The following PMIS2 variants were observed in gnomAD, a reference collection of about 807,000 sequenced individuals.
PMIS2 encodes the protein transmembrane protein PMIS2.
chr19:35,586,570 G>A (rs921372687), intron 1 of PMIS2, 29 bp downstream of exon 1: 32 of 385,768 alleles, frequency 8.3e-5, no homozygotes, highest in African/African-American at 4.4e-4. Context: ...CATAGCCCCC[G>A]TCCTTTTTTT....
At chr19:35,586,306 C>T (rs34183846) in exon 1 of PMIS2, 155,968 of 398,256 alleles carry the variant, frequency 0.39, 32,689 homozygotes, top group Middle Eastern at 0.47. Context: ...CCCAACGCGC[C>T]AGCTACCCCA....
chr19:35,587,202 A>G, exon 2 of PMIS2: 1 of 398,300 alleles, frequency 2.5e-6, no homozygotes, highest in Non-Finnish European at 4.4e-6. Flanking sequence ...CACTCACCAA[A>G]CACTAACCAG....
At chr19:35,586,397 A>T (rs547826905) in exon 1 of PMIS2, 10 of 398,820 alleles carry the variant, frequency 2.5e-5, no homozygotes, top group African/African-American at 1.2e-4. Flanking sequence ...CAGGTGCCCC[A>T]GCTGAGGTGC....
chr19:35,586,311 A>G, exon 1 of PMIS2: 1 of 398,128 alleles, frequency 2.5e-6, no homozygotes, highest in East Asian at 3.6e-5. Context: ...CGCGCCAGCT[A>G]CCCCAGACGC....
downstream of PMIS2, chr19:35,587,273 A>G: frequency 2.5e-6 from 1 of 395,380 alleles, no homozygotes; most frequent in Non-Finnish European, 4.5e-6. Context: ...AAATCCTCTA[A>G]CCAAGGAACT....
At chr19:35,586,303 C>G (rs929210170) in exon 1 of PMIS2, 1 of 398,688 alleles carries the variant, frequency 2.5e-6, no homozygotes, top group Non-Finnish European at 4.4e-6. Flanking sequence ...GCTCCCAACG[C>G]GCCAGCTACC....
intron 1 of PMIS2, 145 bp from the exon 2 acceptor site, chr19:35,586,831 G>A: frequency 2.5e-6 from 1 of 396,264 alleles, no homozygotes; most frequent in Non-Finnish European, 4.4e-6. Flanking sequence ...ACCCGCCTTG[G>A]CCTCCCAAAG....
At chr19:35,586,986 C>T in intron 1 of PMIS2, 1 of 398,668 alleles carries the variant, frequency 2.5e-6, no homozygotes, top group East Asian at 3.6e-5. Flanking sequence ...GGTTCCTGGA[C>T]ACAGAAACCC....
chr19:35,586,200 C>T (rs1466958148), exon 1 of PMIS2: 10 of 398,728 alleles, frequency 2.5e-5, no homozygotes, highest in Non-Finnish European at 4.4e-5. Flanking sequence ...AAGGGGAAGC[C>T]TAGTGGGTCT....
exon 1 of PMIS2, chr19:35,586,418 G>A (rs970190148): frequency 1.3e-5 from 5 of 398,712 alleles, no homozygotes; most frequent in East Asian, 3.6e-5. Flanking sequence ...CCCAGGAGCC[G>A]CAAGAGCCTA....
At chr19:35,586,849 A>G (rs2071782025) in intron 1 of PMIS2, 127 bp from the exon 2 acceptor site, 1 of 397,078 alleles carries the variant, frequency 2.5e-6, no homozygotes, top group Admixed American at 4.4e-5. Flanking sequence ...AAGTGCTGGC[A>G]TTACAGGCGT....
exon 2 of PMIS2, chr19:35,587,115 T>C (rs1387024836): frequency 2.5e-6 from 1 of 398,482 alleles, no homozygotes; most frequent in Non-Finnish European, 4.4e-6. Context: ...ATGATTGGCT[T>C]AGGCATCATT....
chr19:35,586,369 C>A (rs1031381469), exon 1 of PMIS2: 3 of 399,106 alleles, frequency 7.5e-6, no homozygotes, highest in Admixed American at 8.8e-5. Context: ...CCAGGTTCTC[C>A]CACTACCACA....
At chr19:35,587,108 A>T (rs1163844482) in exon 2 of PMIS2, 1 of 398,456 alleles carries the variant, frequency 2.5e-6, no homozygotes. Flanking sequence ...CGTGGTAATG[A>T]TTGGCTTAGG....
chr19:35,586,477 T>C (rs1035242886), exon 1 of PMIS2: 3 of 398,564 alleles, frequency 7.5e-6, no homozygotes, highest in African/African-American at 6.2e-5. Flanking sequence ...TACCTATGTT[T>C]GACCATCTTT....
downstream of PMIS2, chr19:35,587,208 A>G (rs901719879): frequency 2.5e-6 from 1 of 398,016 alleles, no homozygotes; most frequent in African/African-American, 2.1e-5. Context: ...CCAAACACTA[A>G]CCAGCCAAGT....
intron 1 of PMIS2, among the ~76,000 whole-genome samples, 159 bp downstream of exon 1, chr19:35,586,700 C>T (rs1305562702): frequency 1.3e-5 from 2 of 151,934 alleles, no homozygotes; most frequent in Admixed American, 6.6e-5. Context: ...CTGCCTCAGC[C>T]TCCTGAGTAG....
At chr19:35,587,208 A>C, downstream of PMIS2, 2 of 398,134 alleles carry the variant, frequency 5.0e-6, no homozygotes, top group African/African-American at 4.1e-5. Flanking sequence ...CCAAACACTA[A>C]CCAGCCAAGT....
intron 1 of PMIS2, 28 bp from the exon 2 acceptor site, chr19:35,586,948 A>C (rs1599583446): frequency 5.0e-6 from 2 of 398,448 alleles, no homozygotes; most frequent in South Asian, 2.5e-4. Context: ...TCCCTCAGTG[A>C]CTGCAGGTCT....
Sources: allele counts gnomAD v4.1 joint callset (sites outside exome capture counted in the v4.1 genomes callset), GRCh38; gene constraint gnomAD v4.1.1; transcripts MANE v1.5; gene names NCBI Gene and HGNC (gene_info 2026-07-23, HGNC 2026-07-21).